CEP104: variants seen among roughly 807,000 people sequenced by gnomAD.
CEP104 encodes the protein centrosomal protein of 104 kDa.
CEP104 carries 84 observed loss-of-function variants against 113.3 expected under a neutral mutation model. That is an observed-to-expected ratio of 0.74 (90% CI 0.62 to 0.89). The LOEUF is 0.89. Ranked by LOEUF, CEP104 falls within the 40% of genes least tolerant of loss-of-function variation. CEP104 has a pLI of 0.00. For missense variants in CEP104, 1,053 were observed against 1,156.6 expected, an observed-to-expected ratio of 0.91 and a Z score of 1.30; for synonymous variants, 378 against 421.7, an observed-to-expected ratio of 0.90 and a Z score of 1.27.
chr1:3,816,265 G>A lies in CEP104; in HGVS notation c.2662+15C>T, dbSNP rs181010820. ...GGGATGCAGACTACACCTGCTCAGC[G>A]GCGCTGTCCCTCACCTGGCTGCAGT... On this transcript the variant is annotated intron_variant, in intron 21 of 21. Transcript: ENST00000378230. The A allele has an allele frequency of 6.2e-5, 96 of 1,548,140 alleles. 1 individual carries two copies. In the East Asian group the frequency reaches 1.7e-3, roughly 27 times the overall value.
intron 20 of CEP104, among the ~76,000 whole-genome samples, chr1:3,822,377 G>C (rs762980078): frequency 6.6e-5 from 10 of 152,202 alleles, no homozygotes; most frequent in Non-Finnish European, 1.5e-4. Context: ...GGCTGGGTTG[G>C]AGCCATTTTG....
intron 8 of CEP104, 68 bp from the exon 9 acceptor site, chr1:3,837,587 T>A: frequency 2.3e-6 from 3 of 1,321,512 alleles, no homozygotes; most frequent in Non-Finnish European, 2.1e-6. Context: ...ATCTCATTCC[T>A]TCAGATGAAT....
chr1:3,853,566 T>C (rs1221572344), intron 1 of CEP104, among the ~76,000 whole-genome samples: 1 of 152,230 alleles, frequency 6.6e-6, no homozygotes, highest in Non-Finnish European at 1.5e-5. Flanking sequence ...ATGCATGATC[T>C]AGATCTTTCT....
Position 3,815,518 on chromosome 1 carries a change from C to A in CEP104, c.2663-1G>T. 2 of 1,592,380 alleles carry A rather than the reference C, an allele frequency of 1.3e-6. No individual in the cohort carries two copies. Among genetic ancestry groups the A allele is most frequent in the Admixed American group, 1.7e-5 (1 of 57,456 alleles). On this transcript the variant is annotated splice_acceptor_variant, in intron 21 of 21. Transcript: ENST00000378230. LOFTEE classifies it high-confidence loss of function. ...GATGCGGCCACAGCTGAGCTTTTCC[C>A]TGCAGAGCAAGCACAGGACCTGCAT...
chr1:3,846,531 AATCT>A (rs1389393188), intron 4 of CEP104, among the ~76,000 whole-genome samples: 4 of 152,244 alleles, frequency 2.6e-5, no homozygotes, highest in Non-Finnish European at 5.9e-5. Flanking sequence ...GACAATAAAT[AATCT>A]ATTATTTAAA....
At chr1:3,848,531 CAAA>C (rs371141201) in intron 3 of CEP104, 74 bp downstream of exon 3, 1,673 of 895,968 alleles carry the variant, frequency 1.9e-3, no homozygotes, top group South Asian at 2.3e-3. Flanking sequence ...GACTCCATCT[CAAA>C]AAAAAAAAAA....
At position 3,848,677 on chromosome 1, in the gene CEP104, T is replaced by A; in HGVS notation, c.218A>T (p.Glu73Val). 1 of 1,613,940 alleles carries A rather than the reference T, an allele frequency of 6.2e-7. No homozygotes were observed. The highest frequency in any genetic ancestry group is 1.1e-5 in the South Asian group (1 of 91,062). ...AHQYMISSKI[E>V]FYISESLPEY... is the part of the protein sequence containing the mutation. ...AGGCAAGCTTTCACTAATGTAGAACTCAATTTTACTTGAAATCATATACTG... is the reference window on the plus strand; with the variant it reads ...AGGCAAGCTTTCACTAATGTAGAACACAATTTTACTTGAAATCATATACTG... Residue 73 changes from glutamate (E) to valine (V), a missense_variant, in exon 3 of 22, where the codon GAG (glutamate) becomes GTG (valine). Glu to Val is a moderately radical substitution (Grantham distance 121, BLOSUM62 -2). Coordinates refer to ENST00000378230, the MANE Select transcript of CEP104 (RefSeq NM_014704.4).
intron 5 of CEP104, 57 bp from the exon 6 acceptor site, chr1:3,845,040 C>A: frequency 7.3e-7 from 1 of 1,371,484 alleles, no homozygotes; most frequent in Non-Finnish European, 1.0e-6. Context: ...CAACACAAAA[C>A]CTTAACTACA....
intron 1 of CEP104, among the ~76,000 whole-genome samples, chr1:3,855,173 G>A (rs1183036008): frequency 3.9e-5 from 3 of 77,144 alleles, no homozygotes; most frequent in South Asian, 7.9e-4. Flanking sequence ...GCCCAGCCCC[G>A]ATTTTTTTTT....
intron 10 of CEP104, 74 bp from the exon 11 acceptor site, chr1:3,835,166 T>G: frequency 8.5e-7 from 1 of 1,173,032 alleles, no homozygotes; most frequent in Non-Finnish European, 1.1e-6. Context: ...AAGGCTTTGT[T>G]TTTTTTTTAA....
In CEP104 at chr1:3,812,627, C is replaced by A. The variant is rs1273831502; in HGVS notation, c.*2775G>T. On this transcript the variant is annotated 3_prime_UTR_variant, in exon 22 of 22. Coordinates refer to ENST00000378230, the MANE Select transcript of CEP104 (RefSeq NM_014704.4). ...GGCCGAGGTGGGTGGATCACAAGGT[C>A]AGGAGTTTGAGACCAGCCTGGCCAA... 1 of 152,244 alleles carries A rather than the reference C, an allele frequency of 6.6e-6. No homozygotes were observed. Among genetic ancestry groups the A allele is most frequent in the East Asian group, 1.9e-4 (1 of 5,192 alleles). The allele number at this position is 152,244 out of a possible 1,614,324, so 9.4% of individuals were successfully genotyped here. A position where few individuals can be genotyped will look rare whatever the true frequency, so the allele number is the denominator to read the frequency against.
intron 12 of CEP104, among the ~76,000 whole-genome samples, chr1:3,832,431 T>C (rs1644230755): frequency 1.1e-5 from 1 of 88,528 alleles, no homozygotes; most frequent in African/African-American, 5.5e-5. Flanking sequence ...ACCAGGAGTG[T>C]AGCGTAGGTC....
At chr1:3,826,603 TGAATGGACA>T in intron 16 of CEP104, 96 bp downstream of exon 16, 1 of 1,400,854 alleles carries the variant, frequency 7.1e-7, no homozygotes, top group South Asian at 1.2e-5. Flanking sequence ...TGATACTTGC[TGAATGGACA>T]GAAGCCGTTC....
chr1:3,823,701 T>A lies in CEP104; in HGVS notation c.2365-139A>T. On this transcript the variant is annotated intron_variant, in intron 18 of 21. Transcript: ENST00000378230. This position sits in a 1 kb window ranked among gnomAD's most constrained non-coding sequence, Gnocchi z 4.1. The stretch of plus-strand genomic sequence containing the variant: ...ACATGAAGTAAGCCACAGGCTTCTA[T>A]CTTCGGCATTTGCCCACAGACTGTC... 1.0e-6 allele frequency: 1 copy of A among 1,003,662 alleles called. No homozygotes were observed. Among genetic ancestry groups the A allele is most frequent in the South Asian group, 1.5e-5 (1 of 64,580 alleles). 62.2% of individuals were successfully genotyped at this position (1,003,662 alleles called of 1,614,324 possible). A position where few individuals can be genotyped will look rare whatever the true frequency, so the allele number is the denominator to read the frequency against.
intron 10 of CEP104, 80 bp downstream of exon 10, chr1:3,836,415 T>TA: frequency 1.4e-6 from 2 of 1,420,646 alleles, no homozygotes; most frequent in Admixed American, 2.4e-5. Context: ...CCTTTATGTG[T>TA]AAGTACACAG....
In CEP104 at chr1:3,852,359, CT is replaced by C. The variant is rs1339263534; in HGVS notation, c.48del (p.Asp17ThrfsTer9). On this transcript the variant is annotated frameshift_variant, in exon 2 of 22. Transcript: ENST00000378230. LOFTEE classifies it high-confidence loss of function. ...GFVVVSSSGH[E>X]DGFSARELMI... ...ATGAGCTCCCGGGCACTGAAGCCGT[CT>C]TCGTGTCCAGATGAGCTGACGACTA... is the stretch of plus-strand genomic sequence containing the variant. The C allele has an allele frequency of 6.2e-7, 1 of 1,614,142 alleles. No individual in the cohort carries two copies. The highest frequency in any genetic ancestry group is 1.7e-5 in the Admixed American group (1 of 60,026).
chr1:3,819,046 ACTTCACTGTTTATCCCC>A lies in CEP104; in HGVS notation c.2572-2693_2572-2677del, dbSNP rs1343060528. Among the ~76,000 whole-genome samples the A allele has an allele frequency of 6.6e-6, 1 of 152,206 alleles. No individual in the cohort carries two copies. Among genetic ancestry groups the A allele is most frequent in the Non-Finnish European group, 1.5e-5 (1 of 68,028 alleles). On this transcript the variant is annotated intron_variant, in intron 20 of 21. Coordinates refer to ENST00000378230, the MANE Select transcript of CEP104 (RefSeq NM_014704.4). The surrounding 1 kb of genome is among the most constrained non-coding windows in gnomAD (Gnocchi z 4.6). ...TTCTGAGCAGTGTGGAGGGTGTCAA[ACTTCACTGTTTATCCCC>A]CTTCACATTCAGAAAAATTCCAGAT...
chr1:3,843,923 G>C (rs917758438), intron 6 of CEP104, among the ~76,000 whole-genome samples: 28 of 151,990 alleles, frequency 1.8e-4, no homozygotes, highest in Non-Finnish European at 2.1e-4. Context: ...CACCACGCCT[G>C]GCTAATTTTT....
intron 2 of CEP104, among the ~76,000 whole-genome samples, chr1:3,851,272 G>C (rs1338620232): frequency 6.6e-6 from 1 of 151,982 alleles, no homozygotes; most frequent in Non-Finnish European, 1.5e-5. Flanking sequence ...TGCAGGGACA[G>C]GGGGTCTTAT....
Sources: gnomAD v4.1 joint callset for allele counts (sites outside exome capture counted in the v4.1 genomes callset) on GRCh38, gnomAD v4.1.1 for gene constraint, Gnocchi (gnomAD v3.1) non-coding constraint, MANE v1.5 for transcripts, NCBI Gene and HGNC (gene_info 2026-07-23, HGNC 2026-07-21) for gene names.